Variants in SAMD11 observed in about 807,000 individuals in gnomAD.
The protein encoded by SAMD11 is sterile alpha motif domain containing 11, also known as sterile alpha motif domain-containing protein 11.
SAMD11 carries 77 observed loss-of-function variants against 64.4 expected under a neutral mutation model. The ratio of observed to expected loss-of-function variants is 1.20; its 90% CI spans 0.99 to 1.44. SAMD11 has a LOEUF of 1.44. Among genes scored for constraint, SAMD11 ranks in the 40% most tolerant of loss-of-function variants. SAMD11 has a pLI of 0.00. For missense variants in SAMD11, 1,402 were observed against 943.3 expected (o/e 1.49, Z -6.37); for synonymous variants, 658 against 421.9 (o/e 1.56, Z -6.86).
intron 2 of SAMD11, among the ~76,000 whole-genome samples, chr1:928,106 G>GCA (rs1557599924): frequency 4.3e-4 from 65 of 152,364 alleles, no homozygotes; most frequent in African/African-American, 1.5e-3. Context: ...AAGAAGGGAG[G>GCA]TGGGAGGCCG....
In SAMD11 at chr1:942,944, C is replaced by T. The variant is rs776667923; in HGVS notation, c.1939C>T (p.Pro647Ser). 5 of 1,549,526 alleles carry T rather than the reference C, an allele frequency of 3.2e-6. No homozygotes were observed. The highest frequency in any genetic ancestry group is 3.5e-6 in the Non-Finnish European group (4 of 1,148,270). ...GACGGCAGCTGTTGGGTGCAGGGGGCCCACTCCGGGCCAAGCTCCAGCTGG... is the reference window on the plus strand; with the variant it reads ...GACGGCAGCTGTTGGGTGCAGGGGGTCCACTCCGGGCCAAGCTCCAGCTGG... Reference protein sequence around the residue: ...PETAAVGCRGPTPGQAPAGGA... With the variant: ...PETAAVGCRGSTPGQAPAGGA... Residue 647 changes from proline (P) to serine (S), a missense_variant, in exon 11 of 14, where the codon CCC becomes TCC. Transcript: ENST00000616016.
chr1:930,103 G>GC, intron 2 of SAMD11, 52 bp from the exon 3 acceptor site: 2 of 1,518,908 alleles, frequency 1.3e-6, no homozygotes, highest in Non-Finnish European at 1.8e-6. Flanking sequence ...CTCTCCTCCT[G>GC]CCCCACCTTC....
At position 925,915 on chromosome 1, in the gene SAMD11, C is replaced by T. The variant is rs762738286; in HGVS notation, c.518-7C>T. 3.5e-5 allele frequency: 56 copies of T among 1,605,062 alleles called. No homozygotes were observed. Among genetic ancestry groups the T allele is most frequent in the Non-Finnish European group, 4.4e-5 (52 of 1,174,814 alleles). On this transcript the variant is annotated splice_region_variant and splice_polypyrimidine_tract_variant and intron_variant, in intron 1 of 13. Coordinates refer to ENST00000616016, the MANE Select transcript of SAMD11 (RefSeq NM_001385641.1). ...CCTCACAGGGTCTGCCTCGGCTCTG[C>T]TCGCAGGGAAAAGTCTGAAGACGCT...
At chr1:941,667 CCCGGCACAGACAAGGCCT>C (rs1347803823) in intron 8 of SAMD11, among the ~76,000 whole-genome samples, 16 of 152,182 alleles carry the variant, frequency 1.1e-4, no homozygotes, top group African/African-American at 1.4e-4. Context: ...CGGATCTGTT[CCCGGCACAGACAAGGCCT>C]CCGGCACAGA....
chr1:940,126 C>T (rs1449756645), intron 7 of SAMD11, among the ~76,000 whole-genome samples: 1 of 152,202 alleles, frequency 6.6e-6, no homozygotes, highest in Non-Finnish European at 1.5e-5. Flanking sequence ...CAGGCACCGT[C>T]CCCCAGGGCA....
At chr1:935,568 G>A (rs1225786893) in intron 4 of SAMD11, among the ~76,000 whole-genome samples, 3 of 152,206 alleles carry the variant, frequency 2.0e-5, no homozygotes, top group Non-Finnish European at 4.4e-5. Flanking sequence ...CCCAGTGCCA[G>A]GTTCTGTGTC....
Position 941,824 on chromosome 1 carries a change from T to C in SAMD11, c.1359-312T>C, listed in dbSNP as rs553108935. 8.3e-4 allele frequency among the ~76,000 whole-genome samples: 126 copies of C among 152,118 alleles called. 1 individual carries two copies. The highest frequency in any genetic ancestry group is 1.2e-3 in the Non-Finnish European group (80 of 67,936). ...GCAGCTGCCTCCACCGCCGCCCGGATTGCGGCTAATGACGCCCCCGCTTCC... is the reference window on the plus strand; with the variant it reads ...GCAGCTGCCTCCACCGCCGCCCGGACTGCGGCTAATGACGCCCCCGCTTCC... On this transcript the variant is annotated intron_variant, in intron 8 of 13. Transcript: ENST00000616016.
intron 1 of SAMD11, among the ~76,000 whole-genome samples, chr1:925,412 CGCCTGCG>C (rs200244572): frequency 0.79 from 119,117 of 150,534 alleles, 51,480 homozygotes; most frequent in Non-Finnish European, 0.98. Context: ...CCTGTTTTGG[CGCCTGCG>C]GGCGCCTGGG....
In SAMD11 at chr1:930,164, C is replaced by T. The variant is rs144245409; in HGVS notation, c.619C>T (p.Arg207Trp). ...CCTCCTGCCCCACCAGAACCGGGGGCGGCTGGCAGACAAGAGGACAGTCGC... is the reference window on the plus strand; with the variant it reads ...CCTCCTGCCCCACCAGAACCGGGGGTGGCTGGCAGACAAGAGGACAGTCGC... ...CRISSPVNRG[R>W]LADKRTVALP... The change falls in exon 3 of 14, where the codon CGG (arginine) becomes TGG (tryptophan). Residue 207 changes from arginine (R) to tryptophan (W), a missense_variant. Arg to Trp is a moderately radical substitution (Grantham distance 101). Transcript: ENST00000616016. The T allele has an allele frequency of 1.1e-5, 17 of 1,556,398 alleles. No homozygotes were observed. Among genetic ancestry groups the T allele is most frequent in the African/African-American group, 4.1e-5 (3 of 73,652 alleles).
chr1:932,794 G>A (rs1641231384), intron 4 of SAMD11, among the ~76,000 whole-genome samples: 1 of 152,248 alleles, frequency 6.6e-6, no homozygotes, highest in Non-Finnish European at 1.5e-5. Flanking sequence ...CTGCCTTTTG[G>A]AGCCAGCGGA....
At chr1:926,144 G>A (rs755580959) in intron 2 of SAMD11, 131 bp downstream of exon 2, 5 of 865,630 alleles carry the variant, frequency 5.8e-6, no homozygotes, top group South Asian at 1.4e-5. Context: ...AGCCTCCGAA[G>A]GGCAGGGGGA....
At position 944,486 on chromosome 1, in the gene SAMD11, T is replaced by A. The variant is rs1027612525; in HGVS notation, c.*333T>A. On this transcript the variant is annotated 3_prime_UTR_variant, in exon 14 of 14. Coordinates refer to ENST00000616016, the MANE Select transcript of SAMD11 (RefSeq NM_001385641.1). ...GGAGCTGACTTCAGCAGCCCACAGC[T>A]GTGGGGCTTCAGCAGCCACACCAGC... 7.3e-6 allele frequency: 5 copies of A among 680,596 alleles called. No homozygotes were observed. The Admixed American group carries it at 1.4e-4, about 19-fold the overall frequency. 42.2% of individuals were successfully genotyped at this position (680,596 alleles called of 1,614,324 possible). A position where few individuals can be genotyped will look rare whatever the true frequency, so the allele number is the denominator to read the frequency against.
chr1:931,558 G>A (rs74047407), intron 4 of SAMD11, among the ~76,000 whole-genome samples: 35,944 of 152,182 alleles, frequency 0.24, 4,407 homozygotes, highest in East Asian at 0.38. Context: ...AGGGAAGGGC[G>A]TGTAGGAGGG....
Position 933,028 on chromosome 1 carries a change from C to T in SAMD11, c.842+1939C>T, listed in dbSNP as rs931214654. Among the ~76,000 whole-genome samples the T allele has an allele frequency of 3.5e-4, 54 of 152,274 alleles. 3 individuals carry two copies. In the East Asian group the frequency reaches 0.01, roughly 29 times the overall value. ...GGCTCTGGCCTCCCCCTCCCCCTCT[C>T]CTTCCTGCGCCTCCTGCCCCAGCCC... On this transcript the variant is annotated intron_variant, in intron 4 of 13. Transcript: ENST00000616016.
Position 943,744 on chromosome 1 carries a change from C to A in SAMD11, c.2225C>A (p.Thr742Lys). ...GIDGETLPLL[T>K]EEHLLTNMGL... is the part of the protein sequence containing the mutation. Reference sequence around the variant, plus strand: ...GACGGGGAGACCCTGCCACTGCTGACGGAGGAGCACCTGCTGACCAACATG... The same window carrying A: ...GACGGGGAGACCCTGCCACTGCTGAAGGAGGAGCACCTGCTGACCAACATG... The change falls in exon 13 of 14, where the codon ACG becomes AAG. Residue 742 changes from threonine (T) to lysine (K), a missense_variant. By Grantham distance (78) the Thr-to-Lys change is moderately conservative. Coordinates refer to ENST00000616016, the MANE Select transcript of SAMD11 (RefSeq NM_001385641.1). The A allele has an allele frequency of 6.2e-7, 1 of 1,608,376 alleles. No individual in the cohort carries two copies. Among genetic ancestry groups the A allele is most frequent in the Non-Finnish European group, 8.5e-7 (1 of 1,177,380 alleles).
At position 944,348 on chromosome 1, in the gene SAMD11, G is replaced by A. The variant is rs1642018651; in HGVS notation, c.*195G>A. 1.5e-6 allele frequency: 2 copies of A among 1,371,538 alleles called. No homozygotes were observed. The highest frequency in any genetic ancestry group is 1.9e-6 in the Non-Finnish European group (2 of 1,069,714). 85.0% of individuals were successfully genotyped at this position (1,371,538 alleles called of 1,614,324 possible). ...GTGAAGGCAGAGCCTGGTGCAGATG[G>A]ACGAGGTCTGCAGACGGAGGGCAGA... On this transcript the variant is annotated 3_prime_UTR_variant, in exon 14 of 14. Transcript: ENST00000616016.
In SAMD11 at chr1:942,843, T is replaced by G; in HGVS notation, c.1838T>G (p.Met613Arg). 1 of 1,550,954 alleles carries G rather than the reference T, an allele frequency of 6.4e-7. No homozygotes were observed. The highest frequency in any genetic ancestry group is 8.7e-7 in the Non-Finnish European group (1 of 1,147,444). Residue 613 changes from methionine to arginine, a missense_variant, in exon 11 of 14, where the codon ATG (methionine) becomes AGG (arginine). Transcript: ENST00000616016. ...GCGCGGCCCAGCGAGTCCAAGGAGA[T>G]GACGGGGGCTAGGCTCTGGGCACAA... The part of the protein sequence containing the change: ...ASARPSESKE[M>R]TGARLWAQDG...
intron 2 of SAMD11, 81 bp downstream of exon 2, chr1:926,094 TC>T: frequency 1.5e-6 from 2 of 1,366,130 alleles, no homozygotes; most frequent in Non-Finnish European, 1.0e-6. Context: ...GTTTTCAGGA[TC>T]GAGAGTCCTA....
chr1:940,263 C>T (rs7411115), intron 7 of SAMD11: 102 of 148,578 alleles, frequency 6.9e-4, no homozygotes, highest in African/African-American at 2.3e-3. Context: ...CGCCGGCCGC[C>T]GGGGAGCGCG....
Sources: allele counts gnomAD v4.1 joint callset (sites outside exome capture counted in the v4.1 genomes callset), GRCh38; gene constraint gnomAD v4.1.1; transcripts MANE v1.5; gene names NCBI Gene and HGNC (gene_info 2026-07-23, HGNC 2026-07-21).